ACOXL: variants seen among roughly 807,000 people sequenced by gnomAD.
ACOXL encodes the protein acyl-coenzyme A oxidase-like protein.
A neutral mutation model predicts 71.9 loss-of-function variants in ACOXL; 70 were observed. The ratio of observed to expected loss-of-function variants is 0.97; its 90% CI spans 0.80 to 1.19. The LOEUF is 1.19. Among genes scored for constraint, ACOXL ranks in the 50% most tolerant of loss-of-function variants. The pLI, the probability that ACOXL is intolerant of heterozygous loss-of-function variation, is 0.00. For missense variants in ACOXL, 703 were observed against 736.3 expected, an observed-to-expected ratio of 0.95 and a Z score of 0.52; for synonymous variants, 253 against 281.6, an observed-to-expected ratio of 0.90 and a Z score of 1.02.
At chr2:110,872,291 C>T (rs934278735) in intron 10 of ACOXL, among the ~76,000 whole-genome samples, 23 of 152,152 alleles carry the variant, frequency 1.5e-4, no homozygotes, top group African/African-American at 4.6e-4. Flanking sequence ...GCCTGAGGCC[C>T]GTCAGGATTC....
At chr2:111,000,515 T>A (rs549067259) in intron 14 of ACOXL, among the ~76,000 whole-genome samples, 29 of 152,206 alleles carry the variant, frequency 1.9e-4, no homozygotes, top group Non-Finnish European at 4.1e-4. Context: ...CACCACAGAC[T>A]AGGTGGCTTA....
chr2:110,943,167 AGGG>A (rs1317466574), intron 12 of ACOXL, among the ~76,000 whole-genome samples: 1 of 105,882 alleles, frequency 9.4e-6, no homozygotes, highest in African/African-American at 3.1e-5. Context: ...AAAAAGAAAA[AGGG>A]AGGGAGGGAA....
At chr2:111,046,709 T>G (rs1035958836) in intron 15 of ACOXL, among the ~76,000 whole-genome samples, 17 of 152,008 alleles carry the variant, frequency 1.1e-4, no homozygotes, top group South Asian at 2.1e-4. Context: ...ATGCGGAGAT[T>G]ATGGGAGCTA....
chr2:111,070,507 C>G (rs1043262307), intron 16 of ACOXL, among the ~76,000 whole-genome samples: 1 of 152,032 alleles, frequency 6.6e-6, no homozygotes, highest in East Asian at 1.9e-4. Flanking sequence ...AAAGTGGAGG[C>G]TAGGAGTAGG....
chr2:110,760,039 A>G (rs1260710533), intron 1 of ACOXL, among the ~76,000 whole-genome samples: 3 of 150,952 alleles, frequency 2.0e-5, no homozygotes, highest in African/African-American at 7.3e-5. Context: ...GATTTCTTTT[A>G]TTGTGTATCC....
chr2:110,784,359 C>G (rs1175054693), intron 2 of ACOXL, among the ~76,000 whole-genome samples: 1 of 152,126 alleles, frequency 6.6e-6, no homozygotes, highest in East Asian at 1.9e-4. Context: ...ATTGGAGGAG[C>G]TGGGCAGAAC....
At chr2:110,896,496 G>A (rs144989439) in intron 10 of ACOXL, among the ~76,000 whole-genome samples, 2 of 152,152 alleles carry the variant, frequency 1.3e-5, no homozygotes, top group African/African-American at 4.8e-5. Flanking sequence ...CACTTCAAAT[G>A]TAACAATATA....
chr2:111,099,394 T>C (rs563403330), intron 17 of ACOXL: 1 of 152,384 alleles, frequency 6.6e-6, no homozygotes, highest in South Asian at 2.1e-4. Flanking sequence ...TGTGAACAGC[T>C]GTTACTCCCC....
intron 1 of ACOXL, among the ~76,000 whole-genome samples, chr2:110,767,180 G>C (rs1465176449): frequency 6.6e-6 from 1 of 152,216 alleles, no homozygotes; most frequent in Non-Finnish European, 1.5e-5. Flanking sequence ...AGGTCCTACA[G>C]GCTCAGGCTG....
rs1036215119 is a variant in ACOXL, at chr2:110,783,200, G to A, written c.76-1532G>A. On this transcript the variant is annotated intron_variant, in intron 2 of 17. Transcript: ENST00000439055. ...ACATGGGGTCAGTCTTTCCTGTCCTGTTAGCCTCCCGTGTAGGGTTGTTGT... is the reference window on the plus strand; with the variant it reads ...ACATGGGGTCAGTCTTTCCTGTCCTATTAGCCTCCCGTGTAGGGTTGTTGT... 5.3e-5 allele frequency among the ~76,000 whole-genome samples: 8 copies of A among 152,306 alleles called. No homozygotes were observed. The South Asian group carries it at 1.2e-3, about 24-fold the overall frequency.
chr2:111,070,174 C>A (rs2067273312), intron 16 of ACOXL, among the ~76,000 whole-genome samples: 1 of 152,152 alleles, frequency 6.6e-6, no homozygotes, highest in Non-Finnish European at 1.5e-5. Flanking sequence ...GAATATAAAT[C>A]ATTCTACCAT....
At chr2:110,909,934 A>T (rs1187184462) in intron 11 of ACOXL, among the ~76,000 whole-genome samples, 1 of 151,998 alleles carries the variant, frequency 6.6e-6, no homozygotes, top group African/African-American at 2.4e-5. Flanking sequence ...AAGAAAATTA[A>T]AAGCACTTGC....
At chr2:110,784,917 C>A in intron 3 of ACOXL, 102 bp downstream of exon 3, 2 of 1,021,274 alleles carry the variant, frequency 2.0e-6, no homozygotes, top group Non-Finnish European at 1.4e-6. Context: ...TATGTAGTGG[C>A]ACAGGTGTTG....
At chr2:111,029,439 A>G (rs2149739152) in intron 14 of ACOXL, among the ~76,000 whole-genome samples, 1 of 152,308 alleles carries the variant, frequency 6.6e-6, no homozygotes, top group South Asian at 2.1e-4. Flanking sequence ...CCAGAATTTG[A>G]CCTTCTGATG....
At chr2:111,059,996 A>G (rs1022815639) in intron 16 of ACOXL, among the ~76,000 whole-genome samples, 4 of 152,142 alleles carry the variant, frequency 2.6e-5, no homozygotes, top group Non-Finnish European at 4.4e-5. Context: ...GCAGCACAGA[A>G]AAATATGTGG....
At chr2:111,077,785 T>C (rs1438888149) in intron 16 of ACOXL, among the ~76,000 whole-genome samples, 2 of 152,238 alleles carry the variant, frequency 1.3e-5, no homozygotes, top group African/African-American at 4.8e-5. Flanking sequence ...ATCATTCAGA[T>C]TGTTTTTCTC....
At chr2:111,115,217 T>TA (rs1450380663) in intron 17 of ACOXL, among the ~76,000 whole-genome samples, 1 of 152,226 alleles carries the variant, frequency 6.6e-6, no homozygotes, top group African/African-American at 2.4e-5. Context: ...AGAGGACCCC[T>TA]ACACTATGTG....
chr2:111,066,830 G>A (rs1372857310), intron 16 of ACOXL, among the ~76,000 whole-genome samples: 1 of 151,922 alleles, frequency 6.6e-6, no homozygotes, highest in East Asian at 1.9e-4. Flanking sequence ...GTCTCTAATG[G>A]GGATTTAACT....
At chr2:111,051,715 C>G (rs953362838) in intron 16 of ACOXL, among the ~76,000 whole-genome samples, 1 of 152,156 alleles carries the variant, frequency 6.6e-6, no homozygotes, top group African/African-American at 2.4e-5. Context: ...GGTGATCCAC[C>G]CGCCTCGGCC....
Sources: gnomAD v4.1 joint callset for allele counts (sites outside exome capture counted in the v4.1 genomes callset) on GRCh38, gnomAD v4.1.1 for gene constraint, MANE v1.5 for transcripts, NCBI Gene and HGNC (gene_info 2026-07-23, HGNC 2026-07-21) for gene names.